Variants in MGA observed in about 807,000 individuals in gnomAD.
The protein encoded by MGA is MAX dimerization protein MGA.
In MGA, 40 loss-of-function variants were observed where a neutral mutation model predicts 261.1. The observed-to-expected ratio is 0.15, with a 90% CI of 0.12 to 0.20. The LOEUF (loss-of-function observed/expected upper bound fraction) is 0.20, where lower values mean the gene tolerates loss of function less well. MGA is among the 10% of genes least tolerant of loss of function. MGA has a pLI of 1.00. For synonymous variants in MGA, 1,302 were observed against 1,290.6 expected (o/e 1.01, Z -0.19); for missense variants, 3,397 against 3,630.5 (o/e 0.94, Z 1.65).
At position 41,696,353 on chromosome 15, in the gene MGA, G is replaced by C. The variant is rs145075380; in HGVS notation, c.1343G>C (p.Ser448Thr). Reference sequence around the variant, plus strand: ...CATCTATCTTCTAAATGGCTTCCAAGCAGCCCATCAGGTGTTGCTAAAGCT... The same window carrying C: ...CATCTATCTTCTAAATGGCTTCCAACCAGCCCATCAGGTGTTGCTAAAGCT... Residue 448 changes from serine (S) to threonine (T), a missense_variant, in exon 3 of 24, where the codon AGC (serine) becomes ACC (threonine). By Grantham distance (58) the Ser-to-Thr change is moderately conservative. This residue lies in a region of MGA where 563 missense variants were observed against 563.6 expected (regional missense o/e 1.00). Transcript: ENST00000219905. 3.1e-6 allele frequency: 5 copies of C among 1,613,938 alleles called. No individual in the cohort carries two copies. In the East Asian group the frequency reaches 1.1e-4, roughly 36 times the overall value.
In MGA at chr15:41,727,444, A is replaced by G. The variant is rs778059333; in HGVS notation, c.3657+38A>G. On this transcript the variant is annotated intron_variant, in intron 10 of 23. Coordinates refer to ENST00000219905, the MANE Select transcript of MGA (RefSeq NM_001164273.2). Reference sequence around the variant, plus strand: ...TTTAATCTTTTATTACAAGTTACCAAAGTCATGTGTAAAGATGGTGTGTTT... The same window carrying G: ...TTTAATCTTTTATTACAAGTTACCAGAGTCATGTGTAAAGATGGTGTGTTT... 5.7e-6 allele frequency: 9 copies of G among 1,568,854 alleles called. No individual in the cohort carries two copies. The South Asian group carries it at 1.0e-4, about 18-fold the overall frequency.
At position 41,739,015 on chromosome 15, in the gene MGA, G is replaced by A. The variant is rs774487274; in HGVS notation, c.4435-1038G>A. On this transcript the variant is annotated intron_variant, in intron 13 of 23. Coordinates refer to ENST00000219905, the MANE Select transcript of MGA (RefSeq NM_001164273.2). ...CCTCACTCCATCTCCCCCAACCCCC[G>A]ATTTTGAAATGGTGAAAAGGAAATA... Among the ~76,000 whole-genome samples, 4 of 152,094 alleles carry A rather than the reference G, an allele frequency of 2.6e-5. No individual in the cohort carries two copies. In the East Asian group the frequency reaches 7.7e-4, roughly 29 times the overall value.
At chr15:41,647,247 A>G (rs2056952673) in intron 1 of MGA, among the ~76,000 whole-genome samples, 1 of 152,226 alleles carries the variant, frequency 6.6e-6, no homozygotes, top group African/African-American at 2.4e-5. Context: ...CTGCAAGCTC[A>G]TTCGTAGATT....
chr15:41,691,176 G>A (rs1055158688), intron 2 of MGA, among the ~76,000 whole-genome samples: 10 of 151,380 alleles, frequency 6.6e-5, no homozygotes, highest in Non-Finnish European at 1.2e-4. Flanking sequence ...CATAAACGTG[G>A]GATATTTTTC....
chr15:41,697,993 C>T (rs554945900), intron 3 of MGA, among the ~76,000 whole-genome samples: 3 of 152,044 alleles, frequency 2.0e-5, no homozygotes, highest in East Asian at 1.9e-4. Flanking sequence ...CTCAGACTCC[C>T]GAGTAGCTGG....
chr15:41,726,158 T>C (rs947056048), intron 9 of MGA, among the ~76,000 whole-genome samples: 2 of 152,146 alleles, frequency 1.3e-5, no homozygotes, highest in Non-Finnish European at 2.9e-5. Context: ...CAATTTGTTA[T>C]TAGAATGCAG....
rs547405482 is a variant in MGA, at chr15:41,663,275, G to T, written c.-68+2750G>T. 5.4e-3 allele frequency among the ~76,000 whole-genome samples: 821 copies of T among 151,846 alleles called. 5 individuals are homozygous for T. The highest frequency in any genetic ancestry group is 8.8e-3 in the Non-Finnish European group (599 of 67,906). On this transcript the variant is annotated intron_variant, in intron 1 of 23. Coordinates refer to ENST00000219905, the MANE Select transcript of MGA (RefSeq NM_001164273.2). ...AATTTTCCCCTCCACAACTTATTTT[G>T]TTGGCTTTTTATTGTAGCTATTTTA... is the stretch of plus-strand genomic sequence containing the variant.
Position 41,667,864 on chromosome 15 carries a change from C to T in MGA, c.-67-964C>T, listed in dbSNP as rs957096862. Among the ~76,000 whole-genome samples the T allele has an allele frequency of 1.7e-4, 26 of 152,044 alleles. 1 individual carries two copies. The South Asian group carries it at 3.5e-3, about 21-fold the overall frequency. On this transcript the variant is annotated intron_variant, in intron 1 of 23. Transcript: ENST00000219905. ...TGTCACCCAGGCTGGAGTGCAGTGG[C>T]GTGATCTTGGCTCAGTGCACCTTCT...
rs371187008 is a variant in MGA at position 41,762,090 on chromosome 15, G to A, written c.7511-39G>A. On this transcript the variant is annotated intron_variant, in intron 21 of 23. Coordinates refer to ENST00000219905, the MANE Select transcript of MGA (RefSeq NM_001164273.2). ...TTGACTCTGTTTCTCATTATGTGGC[G>A]TAATGCTGAAAGTGCTAATGTATTC... The A allele has an allele frequency of 2.1e-5, 31 of 1,476,936 alleles. 1 individual carries two copies. Among genetic ancestry groups the A allele is most frequent in the East Asian group, 1.6e-4 (7 of 43,426 alleles). 91.5% of individuals were successfully genotyped at this position (1,476,936 alleles called of 1,614,324 possible).
In MGA at chr15:41,669,830, G is replaced by A. The variant is rs2057947862; in HGVS notation, c.936G>A (p.Arg312=). 3 of 1,613,956 alleles carry A rather than the reference G, an allele frequency of 1.9e-6. No homozygotes were observed. The highest frequency in any genetic ancestry group is 2.5e-6 in the Non-Finnish European group (3 of 1,179,884). The change falls in exon 2 of 24, where the codon AGG becomes AGA. Residue 312 remains arginine (R), a synonymous_variant. Coordinates refer to ENST00000219905, the MANE Select transcript of MGA (RefSeq NM_001164273.2). ...CAGGTGATTTGGATCCTTTGTCAAG[G>A]GGTCATGAAACATCAGGCAAGGGTT...
chr15:41,699,875 CTATTT>C (rs979089455), intron 5 of MGA, among the ~76,000 whole-genome samples: 2 of 151,730 alleles, frequency 1.3e-5, no homozygotes, highest in Non-Finnish European at 2.9e-5. Flanking sequence ...CTGCAAACAT[CTATTT>C]TATATATTTG....
intron 2 of MGA, among the ~76,000 whole-genome samples, chr15:41,681,354 G>T (rs2058663501): frequency 6.7e-6 from 1 of 149,886 alleles, no homozygotes; most frequent in South Asian, 2.1e-4. Flanking sequence ...TACAATATAT[G>T]GGCCGTTTAG....
chr15:41,717,531 A>G (rs1032870437), intron 9 of MGA, among the ~76,000 whole-genome samples: 27 of 152,194 alleles, frequency 1.8e-4, no homozygotes, highest in Admixed American at 1.7e-3. Context: ...CTCAGATGAA[A>G]TGGAAAAACT....
intron 21 of MGA, 40 bp from the exon 22 acceptor site, chr15:41,762,089 C>A: frequency 2.1e-6 from 3 of 1,461,702 alleles, no homozygotes; most frequent in Non-Finnish European, 2.8e-6. Context: ...CATTATGTGG[C>A]GTAATGCTGA....
At position 41,766,101 on chromosome 15, in the gene MGA, T is replaced by A. The variant is rs2063784176; in HGVS notation, c.8019T>A (p.His2673Gln). 6.2e-7 allele frequency: 1 copy of A among 1,613,866 alleles called. No homozygotes were observed. Among genetic ancestry groups the A allele is most frequent in the Admixed American group, 1.7e-5 (1 of 60,006 alleles). The change falls in exon 24 of 24, where the codon CAT (histidine) becomes CAA (glutamine). Residue 2673 changes from histidine to glutamine, a missense_variant. His to Gln is a conservative substitution (Grantham distance 24). Coordinates refer to ENST00000219905, the MANE Select transcript of MGA (RefSeq NM_001164273.2). ...ATATGGGTGGCAGCAAATATCCTCA[T>A]GAAGTTCCTGATAGCAAGCCATCTG...
At chr15:41,646,865 C>G (rs1289095862) in intron 1 of MGA, among the ~76,000 whole-genome samples, 1 of 152,076 alleles carries the variant, frequency 6.6e-6, no homozygotes, top group Non-Finnish European at 1.5e-5. Flanking sequence ...TATGTGTACA[C>G]TGGTTAGCAA....
rs765529103 is a variant in MGA, at chr15:41,696,329, A to G, written c.1319A>G (p.His440Arg). ...AAAGTTGACAACCCAGAAGCTGACC[A>G]TCTATCTTCTAAATGGCTTCCAAGC... The change falls in exon 3 of 24, where the codon CAT becomes CGT. Residue 440 changes from histidine to arginine, a missense_variant. Physicochemically the swap from His to Arg is conservative, Grantham distance 29. Coordinates refer to ENST00000219905, the MANE Select transcript of MGA (RefSeq NM_001164273.2). The G allele has an allele frequency of 1.1e-5, 17 of 1,613,850 alleles. No homozygotes were observed. Among genetic ancestry groups the G allele is most frequent in the Non-Finnish European group, 1.4e-5 (17 of 1,179,906 alleles).
intron 15 of MGA, among the ~76,000 whole-genome samples, chr15:41,745,281 T>TAAAAAAA (rs71108126): frequency 5.7e-4 from 19 of 33,190 alleles, no homozygotes; most frequent in East Asian, 2.2e-3. Flanking sequence ...GAATGATCAA[T>TAAAAAAA]AAAAAAAAAA....
At chr15:41,622,163 G>A (rs902442665) in intron 1 of MGA, among the ~76,000 whole-genome samples, 1 of 152,132 alleles carries the variant, frequency 6.6e-6, no homozygotes, top group East Asian at 1.9e-4. Context: ...GCAAGCGTCG[G>A]TGAGAAGCTG....
Sources: allele counts gnomAD v4.1 joint callset (sites outside exome capture counted in the v4.1 genomes callset), GRCh38; gene constraint gnomAD v4.1.1; regional missense constraint gnomAD v4.1.1; transcripts MANE v1.5; gene names NCBI Gene and HGNC (gene_info 2026-07-23, HGNC 2026-07-21).